The following INF2 variants were observed in gnomAD, a reference collection of about 807,000 sequenced individuals.
INF2 encodes the protein inverted formin 2.
A neutral mutation model predicts 123.5 loss-of-function variants in INF2; 43 were observed. That is an observed-to-expected ratio of 0.35 (90% confidence interval 0.27 to 0.45). INF2 has a LOEUF of 0.45. INF2 is among the 20% of genes least tolerant of loss of function. The pLI, the probability that INF2 is intolerant of heterozygous loss-of-function variation, is 1.00. For missense variants in INF2, 1,453 were observed against 1,682.7 expected, an observed-to-expected ratio of 0.86 and a Z score of 2.39; for synonymous variants, 851 against 745.0, an observed-to-expected ratio of 1.14 and a Z score of -2.32.
chr14:104,712,496 G>C lies in INF2; in HGVS notation c.2553G>C (p.Glu851Asp), dbSNP rs368901958. Residue 851 changes from glutamate (E) to aspartate (D), a missense_variant, in exon 17 of 23, where the codon GAG becomes GAC. Coordinates refer to ENST00000392634, the MANE Select transcript of INF2 (RefSeq NM_022489.4). ...SSNLKKLLET[E>D]RKVSASVAEV... The stretch of plus-strand genomic sequence containing the variant: ...ACCTGAAGAAGCTTCTGGAGACCGA[G>C]CGGAAGGTGTCTGCCTCCGTGGCCG... The C allele has an allele frequency of 1.9e-6, 3 of 1,612,726 alleles. No homozygotes were observed. In the African/African-American group the frequency reaches 4.0e-5, roughly 21 times the overall value.
chr14:104,706,083 G>C lies in INF2; in HGVS notation c.750G>C (p.Glu250Asp). The change falls in exon 6 of 23, where the codon GAG becomes GAC. Residue 250 changes from glutamate (E) to aspartate (D), a missense_variant. By Grantham distance (45) the Glu-to-Asp change is conservative (BLOSUM62 2). Transcript: ENST00000392634. ...DLLIQLEAFE[E>D]AKAEDEEELL... ...TGATCCAGCTGGAGGCTTTCGAGGAGGCTAAGGCCGAGGACGAGGAGGAGC... is the reference window on the plus strand; with the variant it reads ...TGATCCAGCTGGAGGCTTTCGAGGACGCTAAGGCCGAGGACGAGGAGGAGC... 1.2e-6 allele frequency: 2 copies of C among 1,612,658 alleles called. No homozygotes were observed. The highest frequency in any genetic ancestry group is 1.7e-6 in the Non-Finnish European group (2 of 1,179,742).
upstream of INF2, chr14:104,689,209 TG>T: frequency 1.0e-6 from 1 of 985,310 alleles, no homozygotes; most frequent in Non-Finnish European, 1.2e-6. Context: ...CGGATCCGGC[TG>T]GCTGGAACGG....
In INF2 at chr14:104,710,092, C is replaced by A. The variant is rs1354764398; in HGVS notation, c.2143C>A (p.Gln715Lys). Residue 715 changes from glutamine to lysine, a missense_variant, in exon 13 of 23, where the codon CAG becomes AAG. This residue lies in a region of INF2 where 192 missense variants were observed against 274.4 expected (regional missense o/e 0.70). Coordinates refer to ENST00000392634, the MANE Select transcript of INF2 (RefSeq NM_022489.4). ...CCCTGTCTGTGCCATCCCCAGCTAC[C>A]AGCTGCGAATCGAGTGCATGCTGCT... ...YLLLLAIPCY[Q>K]LRIECMLLCE... The A allele has an allele frequency of 1.3e-6, 2 of 1,550,298 alleles. No homozygotes were observed. Among genetic ancestry groups the A allele is most frequent in the South Asian group, 1.2e-5 (1 of 84,096 alleles).
intron 16 of INF2, among the ~76,000 whole-genome samples, 175 bp from the exon 17 acceptor site, chr14:104,712,258 G>A (rs551907485): frequency 6.6e-6 from 1 of 152,304 alleles, no homozygotes; most frequent in East Asian, 1.9e-4. Flanking sequence ...ATGCTCACAG[G>A]GGGCTGAGGG....
intron 16 of INF2, among the ~76,000 whole-genome samples, chr14:104,712,006 G>C (rs1300610766): frequency 2.0e-5 from 3 of 152,192 alleles, no homozygotes; most frequent in Non-Finnish European, 2.9e-5. Context: ...GCCGTGAGCA[G>C]GCTCGGGCCT....
Position 104,712,770 on chromosome 14 carries a change from A to T in INF2, c.2611-58A>T, listed in dbSNP as rs566924941. 10 of 1,534,270 alleles carry T rather than the reference A, an allele frequency of 6.5e-6. No individual in the cohort carries two copies. The East Asian group carries it at 2.1e-4, about 33-fold the overall frequency. ...TCACCCTCCCGCAACTCAGGGCCTC[A>T]CCCCGGGTGGTGCCCGCGCGGGGCT... On this transcript the variant is annotated intron_variant, in intron 17 of 22. Coordinates refer to ENST00000392634, the MANE Select transcript of INF2 (RefSeq NM_022489.4).
At chr14:104,709,924 G>A (rs192518690) in intron 12 of INF2, among the ~76,000 whole-genome samples, 164 bp from the exon 13 acceptor site, 58 of 152,340 alleles carry the variant, frequency 3.8e-4, no homozygotes, top group Non-Finnish European at 6.0e-4. Context: ...GGAGGAATTG[G>A]ATCCTGCTCT....
intron 10 of INF2, among the ~76,000 whole-genome samples, chr14:104,708,986 C>G (rs1006814833): frequency 2.0e-5 from 3 of 152,234 alleles, no homozygotes; most frequent in African/African-American, 4.8e-5. Flanking sequence ...GGCCCTGACT[C>G]TCAGCCCCCG....
intron 22 of INF2, among the ~76,000 whole-genome samples, chr14:104,716,640 C>T (rs553329367): frequency 1.1e-4 from 17 of 152,360 alleles, no homozygotes; most frequent in East Asian, 1.9e-4. Flanking sequence ...GCTCCTGCCA[C>T]GCACGTGGCT....
chr14:104,681,254 A>T, exon 1 of INF2: 3 of 347,830 alleles, frequency 8.6e-6, no homozygotes, highest in Non-Finnish European at 1.7e-5. Context: ...CCAGCGCCCC[A>T]CTGTAATAGG....
chr14:104,699,695 T>G lies in INF2; in HGVS notation c.-9-1662T>G. ...GGGCTCCGGGCTCTCCGTTCTACAG[T>G]GCCCAGACCAGGACCCCCTGCAGGG... On this transcript the variant is annotated intron_variant, in intron 1 of 22. Coordinates refer to ENST00000392634, the MANE Select transcript of INF2 (RefSeq NM_022489.4). The surrounding 1 kb of genome is among the most constrained non-coding windows in gnomAD (Gnocchi z 4.7). The G allele has an allele frequency of 4.7e-6, 3 of 639,968 alleles. No homozygotes were observed. Among genetic ancestry groups the G allele is most frequent in the Non-Finnish European group, 5.8e-6 (3 of 514,566 alleles). The allele number at this position is 639,968 out of a possible 1,614,324, so 39.6% of individuals were successfully genotyped here.
At chr14:104,682,614 A>T (rs1478919787) in intron 1 of INF2, among the ~76,000 whole-genome samples, 1 of 152,164 alleles carries the variant, frequency 6.6e-6, no homozygotes, top group African/African-American at 2.4e-5. Flanking sequence ...GCAGGCCAGA[A>T]TCCAGCCATA....
intron 1 of INF2, among the ~76,000 whole-genome samples, chr14:104,695,924 C>G (rs1306650166): frequency 6.6e-6 from 1 of 152,200 alleles, no homozygotes; most frequent in Non-Finnish European, 1.5e-5. Flanking sequence ...TACCACCGCT[C>G]TGAGCCCAGC....
At chr14:104,681,435 C>A in exon 1 of INF2, 1 of 564,746 alleles carries the variant, frequency 1.8e-6, no homozygotes, top group Non-Finnish European at 3.1e-6. Context: ...GCTCTCAGAG[C>A]TGGGGCAGCG....
At position 104,719,064 on chromosome 14, in the gene INF2, C is replaced by T. The variant is rs1281197665; in HGVS notation, c.*271C>T. On this transcript the variant is annotated 3_prime_UTR_variant, in exon 23 of 23. Transcript: ENST00000392634. The stretch of plus-strand genomic sequence containing the variant: ...CCTGCTTCCTAAAGGCAACCCTGGC[C>T]CACACCCGCATGCGCCCGGTGCAGC... 1.4e-6 allele frequency: 1 copy of T among 696,310 alleles called. No homozygotes were observed. The highest frequency in any genetic ancestry group is 3.0e-5 in the East Asian group (1 of 33,440). The allele number at this position is 696,310 out of a possible 1,614,324, so 43.1% of individuals were successfully genotyped here. A position where few individuals can be genotyped will look rare whatever the true frequency, so the allele number is the denominator to read the frequency against.
chr14:104,697,964 A>G (rs903024567), intron 1 of INF2, among the ~76,000 whole-genome samples: 2 of 152,208 alleles, frequency 1.3e-5, no homozygotes, highest in Non-Finnish European at 1.5e-5. Context: ...GGCCTGAGCC[A>G]TGGGTACTGG....
At chr14:104,691,903 GC>G (rs2140598886) in intron 1 of INF2, among the ~76,000 whole-genome samples, 1 of 152,254 alleles carries the variant, frequency 6.6e-6, no homozygotes, top group Admixed American at 6.5e-5. Flanking sequence ...TCACACAGCT[GC>G]CCCCCAGCCC....
chr14:104,712,887 A>G lies in INF2; in HGVS notation c.2670A>G (p.Gln890=), dbSNP rs1890119204. 3 of 1,612,534 alleles carry G rather than the reference A, an allele frequency of 1.9e-6. No individual in the cohort carries two copies. In the African/African-American group the frequency reaches 4.0e-5, roughly 22 times the overall value. The change falls in exon 18 of 23, where the codon CAA becomes CAG. Residue 890 remains glutamine (Q), a synonymous_variant. Coordinates refer to ENST00000392634, the MANE Select transcript of INF2 (RefSeq NM_022489.4). ...TGTTTGAGGCCATCGAGCAGAAGCAACGGGAGCTGGCCGACTACCTGTGTG... is the reference window on the plus strand; with the variant it reads ...TGTTTGAGGCCATCGAGCAGAAGCAGCGGGAGCTGGCCGACTACCTGTGTG... The part of the protein sequence containing the change: ...DELFEAIEQK[Q]RELADYLCED...
intron 22 of INF2, among the ~76,000 whole-genome samples, chr14:104,717,334 C>T (rs1400188635): frequency 2.1e-5 from 3 of 140,300 alleles, no homozygotes; most frequent in Admixed American, 6.9e-5. Context: ...CCTCCTAGTC[C>T]GCCCCCCCGG....
Sources: allele counts gnomAD v4.1 joint callset (sites outside exome capture counted in the v4.1 genomes callset), GRCh38; gene constraint gnomAD v4.1.1; regional missense constraint gnomAD v4.1.1; non-coding constraint Gnocchi (gnomAD v3.1); transcripts MANE v1.5; gene names NCBI Gene and HGNC (gene_info 2026-07-23, HGNC 2026-07-21).